The following SLCO4C1 variants were observed in gnomAD, a reference collection of about 807,000 sequenced individuals.
SLCO4C1 encodes the protein organic anion transporter M1.
In SLCO4C1, 58 loss-of-function variants were observed where a neutral mutation model predicts 72.1. That is an observed-to-expected ratio of 0.80 (90% CI 0.65 to 1.00). SLCO4C1 has a LOEUF of 1.00. Among genes scored for constraint, SLCO4C1 ranks in the 50% least tolerant of loss-of-function variants. SLCO4C1 has a pLI of 0.00. For missense variants in SLCO4C1, 898 were observed against 857.9 expected, an observed-to-expected ratio of 1.05 and a Z score of -0.58; for synonymous variants, 297 against 312.5, an observed-to-expected ratio of 0.95 and a Z score of 0.52.
At chr5:102,271,016 A>G (rs1749143602) in intron 2 of SLCO4C1, among the ~76,000 whole-genome samples, 1 of 152,002 alleles carries the variant, frequency 6.6e-6, no homozygotes, top group Non-Finnish European at 1.5e-5. Context: ...ATTCACTCCT[A>G]TTCACCTCTG....
chr5:102,260,371 T>TATAC, intron 5 of SLCO4C1, 52 bp from the exon 6 acceptor site: 1 of 16,184 alleles, frequency 6.2e-5, no homozygotes, highest in Non-Finnish European at 1.1e-4. Context: ...ACATATAATA[T>TATAC]ATTATATGTA....
At chr5:102,295,714 G>A (rs1347896980) in intron 1 of SLCO4C1, among the ~76,000 whole-genome samples, 194 bp downstream of exon 1, 1 of 152,258 alleles carries the variant, frequency 6.6e-6, no homozygotes, top group Admixed American at 6.5e-5. Context: ...AGGAGAAGCT[G>A]AACTTTGGAA....
At chr5:102,269,259 C>G (rs1355722150) in intron 3 of SLCO4C1, among the ~76,000 whole-genome samples, 2 of 152,080 alleles carry the variant, frequency 1.3e-5, no homozygotes, top group East Asian at 3.9e-4. Flanking sequence ...TATGGATTTT[C>G]TATACCTTTT....
intron 3 of SLCO4C1, among the ~76,000 whole-genome samples, chr5:102,268,935 G>T (rs1022774029): frequency 3.3e-4 from 50 of 152,084 alleles, no homozygotes; most frequent in Non-Finnish European, 6.0e-4. Context: ...TAGTATTCTT[G>T]ACAGACAGCT....
chr5:102,289,836 A>G (rs764320217), intron 2 of SLCO4C1, among the ~76,000 whole-genome samples: 2 of 152,206 alleles, frequency 1.3e-5, no homozygotes, highest in Non-Finnish European at 2.9e-5. Flanking sequence ...ATCCGCTTAC[A>G]TATTCTATTT....
intron 7 of SLCO4C1, 148 bp downstream of exon 7, chr5:102,257,795 T>G (rs1748865433): frequency 2.9e-6 from 2 of 701,196 alleles, no homozygotes; most frequent in Non-Finnish European, 4.6e-6. Context: ...ATTTTTATGT[T>G]TTTTGGTACA....
intron 4 of SLCO4C1, 42 bp downstream of exon 4, chr5:102,263,642 A>T: frequency 6.6e-7 from 1 of 1,512,112 alleles, no homozygotes; most frequent in Non-Finnish European, 9.2e-7. Context: ...CATAATTAAA[A>T]TAAAATGACT....
At position 102,296,109 on chromosome 5, in the gene SLCO4C1, G is replaced by A. The variant is rs1208921185; in HGVS notation, c.154C>T (p.Pro52Ser). 1.2e-6 allele frequency: 2 copies of A among 1,614,172 alleles called. No homozygotes were observed. The highest frequency in any genetic ancestry group is 1.1e-5 in the South Asian group (1 of 91,084). Residue 52 changes from proline to serine, a missense_variant, in exon 1 of 13, where the codon CCC (proline) becomes TCC (serine). Physicochemically the swap from Pro to Ser is moderately conservative, Grantham distance 74 (BLOSUM62 -1). Transcript: ENST00000310954. The stretch of plus-strand genomic sequence containing the variant: ...TCTGGTGACTTCTGGGGCTCCTGGG[G>A]CTTCTGAAGCTCCTGTGGCTGAGAA... Reference protein sequence around the residue: ...ENSQPQELQKPQEPQKSPEPS... With the variant: ...ENSQPQELQKSQEPQKSPEPS...
intron 6 of SLCO4C1, 44 bp from the exon 7 acceptor site, chr5:102,258,131 T>C: frequency 6.9e-7 from 1 of 1,446,072 alleles, no homozygotes; most frequent in Non-Finnish European, 9.2e-7. Context: ...GCTATGATTG[T>C]ATTGCAAAGT....
chr5:102,260,505 T>C (rs1464497031), intron 5 of SLCO4C1, among the ~76,000 whole-genome samples, 186 bp from the exon 6 acceptor site: 3 of 151,322 alleles, frequency 2.0e-5, no homozygotes, highest in Non-Finnish European at 2.9e-5. Flanking sequence ...AGGCTAGTTC[T>C]TCTGTTAATA....
At chr5:102,241,446 C>T (rs1164565223) in intron 10 of SLCO4C1, among the ~76,000 whole-genome samples, 1 of 151,874 alleles carries the variant, frequency 6.6e-6, no homozygotes, top group Non-Finnish European at 1.5e-5. Context: ...ATCAGCTGCA[C>T]TTCTATACAC....
At position 102,249,652 on chromosome 5, in the gene SLCO4C1, G is replaced by A. The variant is rs1561367673; in HGVS notation, c.1606C>T (p.His536Tyr). Reference sequence around the variant, plus strand: ...ACATAAGCTACCTTTGGCTTCCTGTGTGCAACTGGGTTTGAACAGCCTGCA... The same window carrying A: ...ACATAAGCTACCTTTGGCTTCCTGTATGCAACTGGGTTTGAACAGCCTGCA... ...CFAGCSNPVA[H>Y]RKPKVYYNCS... The change falls in exon 9 of 13, where the codon CAC becomes TAC. Residue 536 changes from histidine to tyrosine, a missense_variant. Physicochemically the swap from His to Tyr is moderately conservative, Grantham distance 83. Transcript: ENST00000310954. 5.0e-6 allele frequency: 8 copies of A among 1,613,722 alleles called. No homozygotes were observed. The highest frequency in any genetic ancestry group is 6.8e-6 in the Non-Finnish European group (8 of 1,179,880).
chr5:102,243,587 T>C (rs1226143362), intron 10 of SLCO4C1, among the ~76,000 whole-genome samples: 1 of 152,156 alleles, frequency 6.6e-6, no homozygotes, highest in Non-Finnish European at 1.5e-5. Flanking sequence ...ACCCAAGTCC[T>C]TTCAAATATG....
chr5:102,278,211 A>T (rs1437065197), intron 2 of SLCO4C1, among the ~76,000 whole-genome samples: 1 of 152,208 alleles, frequency 6.6e-6, no homozygotes, highest in Non-Finnish European at 1.5e-5. Context: ...AGGAGTAGCC[A>T]TATTAATATC....
At chr5:102,237,137 G>T in intron 12 of SLCO4C1, 119 bp from the exon 13 acceptor site, 2 of 1,047,498 alleles carry the variant, frequency 1.9e-6, no homozygotes, top group Non-Finnish European at 2.6e-6. Flanking sequence ...AACCATTATA[G>T]TTCTATGTTT....
At position 102,295,965 on chromosome 5, in the gene SLCO4C1, G is replaced by C. The variant is rs771246175; in HGVS notation, c.298C>G (p.Arg100Gly). 11 of 1,614,258 alleles carry C rather than the reference G, an allele frequency of 6.8e-6. No homozygotes were observed. The East Asian group carries it at 2.5e-4, about 36-fold the overall frequency. The stretch of plus-strand genomic sequence containing the variant: ...AGAAAGCCTCCAGGTGTGTTGCAGC[G>C]CTGGAGACATTGAGGATGGAAGTTC... ...WRNFHPQCLQ[R>G]CNTPGGFLLH... Residue 100 changes from arginine to glycine, a missense_variant, in exon 1 of 13, where the codon CGC becomes GGC. Arg to Gly is a moderately radical substitution (Grantham distance 125, BLOSUM62 -2). Transcript: ENST00000310954.
intron 2 of SLCO4C1, among the ~76,000 whole-genome samples, chr5:102,271,629 TA>T (rs1736256259): frequency 1.3e-5 from 2 of 151,780 alleles, no homozygotes; most frequent in Non-Finnish European, 2.9e-5. Context: ...TATAATTTTT[TA>T]AATTTCATTT....
At chr5:102,244,518 A>T (rs557809140) in intron 10 of SLCO4C1, among the ~76,000 whole-genome samples, 1 of 152,148 alleles carries the variant, frequency 6.6e-6, no homozygotes, top group Non-Finnish European at 1.5e-5. Context: ...AGAGAAAGAT[A>T]TCAATATCCA....
At chr5:102,280,821 C>A (rs1364484442) in intron 2 of SLCO4C1, among the ~76,000 whole-genome samples, 1 of 152,140 alleles carries the variant, frequency 6.6e-6, no homozygotes, top group Non-Finnish European at 1.5e-5. Flanking sequence ...AATAACCTCC[C>A]ACCAGGTCCC....
Sources: allele counts gnomAD v4.1 joint callset (sites outside exome capture counted in the v4.1 genomes callset), GRCh38; gene constraint gnomAD v4.1.1; transcripts MANE v1.5; gene names NCBI Gene and HGNC (gene_info 2026-07-23, HGNC 2026-07-21).